BIRC6: variants seen among roughly 807,000 people sequenced by gnomAD.
BIRC6 encodes the protein baculoviral IAP repeat containing 6.
In BIRC6, 98 loss-of-function variants were observed where a neutral mutation model predicts 503.3. The ratio of observed to expected loss-of-function variants is 0.19; its 90% CI spans 0.17 to 0.23. BIRC6 has a LOEUF of 0.23. BIRC6 is among the 10% of genes least tolerant of loss of function. The pLI, the probability that BIRC6 is intolerant of heterozygous loss-of-function variation, is 1.00. For synonymous variants in BIRC6, 2,240 were observed against 2,078.7 expected (o/e 1.08, Z -2.11); for missense variants, 5,360 against 5,806.0 (o/e 0.92, Z 2.50).
intron 39 of BIRC6, among the ~76,000 whole-genome samples, chr2:32,483,475 A>G (rs1404133165): frequency 1.3e-5 from 2 of 152,174 alleles, no homozygotes; most frequent in Non-Finnish European, 2.9e-5. Context: ...CCATATATAC[A>G]TATCAAGAAG....
intron 63 of BIRC6, among the ~76,000 whole-genome samples, chr2:32,547,500 T>C (rs1345030794): frequency 6.6e-6 from 1 of 152,210 alleles, no homozygotes; most frequent in African/African-American, 2.4e-5. Context: ...TTTAGTATAA[T>C]GTTTTCTAGG....
At chr2:32,611,110 T>C (rs868856107) in intron 72 of BIRC6, among the ~76,000 whole-genome samples, 1 of 131,730 alleles carries the variant, frequency 7.6e-6, no homozygotes, top group Non-Finnish European at 1.7e-5. Flanking sequence ...TAAATTGCCT[T>C]TTTTTTTTTG....
chr2:32,569,651 C>T (rs947231295), intron 65 of BIRC6, among the ~76,000 whole-genome samples: 6 of 148,726 alleles, frequency 4.0e-5, no homozygotes, highest in African/African-American at 1.5e-4. Flanking sequence ...TGATTTCAGG[C>T]ATGAGCCACC....
intron 66 of BIRC6, among the ~76,000 whole-genome samples, chr2:32,587,948 T>C (rs971980502): frequency 6.6e-6 from 1 of 152,152 alleles, no homozygotes; most frequent in African/African-American, 2.4e-5. Context: ...CAAACTAAAC[T>C]GAGACTCATT....
rs1164045931 is a variant in BIRC6 at position 32,401,517 on chromosome 2, A to G, written c.1312A>G (p.Ile438Val). Residue 438 changes from isoleucine to valine, a missense_variant, in exon 8 of 74, where the codon ATT becomes GTT. Coordinates refer to ENST00000421745, the MANE Select transcript of BIRC6 (RefSeq NM_016252.4). ...AYDPAIVQQLILSGDPSSGVD... is the reference protein window; with the variant it reads ...AYDPAIVQQLVLSGDPSSGVD... ...TGATCCAGCAATTGTACAACAGCTT[A>G]TTCTATCAGGAGACCCAAGCTCAGG... 3 of 1,613,930 alleles carry G rather than the reference A, an allele frequency of 1.9e-6. No individual in the cohort carries two copies. The highest frequency in any genetic ancestry group is 2.2e-5 in the East Asian group (1 of 44,904).
intron 66 of BIRC6, among the ~76,000 whole-genome samples, chr2:32,582,977 C>T (rs114530507): frequency 0.035 from 5,342 of 152,088 alleles, 140 homozygotes; most frequent in African/African-American, 0.074. Context: ...ATTTTTGAAA[C>T]AGTAGACTTT....
intron 61 of BIRC6, chr2:32,532,168 T>TGTGTGTGTGTGTGG (rs747473373): frequency 5.6e-6 from 3 of 531,670 alleles, no homozygotes; most frequent in Non-Finnish European, 1.2e-5. Context: ...TGTGTGTGTG[T>TGTGTGTGTGTGTGG]GTGGTTATTT....
chr2:32,437,386 C>G (rs1249883171), intron 15 of BIRC6, among the ~76,000 whole-genome samples: 1 of 152,044 alleles, frequency 6.6e-6, no homozygotes, highest in African/African-American at 2.4e-5. Context: ...ATGACTAGTT[C>G]AATTGTTAAA....
At chr2:32,420,609 G>C (rs532929232) in intron 10 of BIRC6, among the ~76,000 whole-genome samples, 3 of 152,154 alleles carry the variant, frequency 2.0e-5, no homozygotes, top group Non-Finnish European at 2.9e-5. Flanking sequence ...TGCCTCCTGG[G>C]TTCAAGTGAT....
At chr2:32,500,621 T>C (rs1277397574) in intron 46 of BIRC6, among the ~76,000 whole-genome samples, 1 of 149,978 alleles carries the variant, frequency 6.7e-6, no homozygotes, top group Non-Finnish European at 1.5e-5. Flanking sequence ...TTTTTTTTTT[T>C]TTGAGATGAA....
chr2:32,460,936 C>T (rs1184624703), intron 23 of BIRC6, among the ~76,000 whole-genome samples: 1 of 151,670 alleles, frequency 6.6e-6, no homozygotes, highest in Non-Finnish European at 1.5e-5. Flanking sequence ...CTTGAAGGAG[C>T]AGATGATTTT....
At chr2:32,397,241 C>T (rs1055602689) in intron 6 of BIRC6, among the ~76,000 whole-genome samples, 3 of 151,404 alleles carry the variant, frequency 2.0e-5, no homozygotes, top group East Asian at 2.0e-4. Flanking sequence ...GAGGCCGAGG[C>T]GGGTGGATCA....
chr2:32,472,551 T>C (rs939913568), intron 32 of BIRC6, among the ~76,000 whole-genome samples: 1 of 152,166 alleles, frequency 6.6e-6, no homozygotes, highest in Non-Finnish European at 1.5e-5. Context: ...AAAATGTTTT[T>C]AGGATTAGGA....
chr2:32,367,628 C>G (rs1251750795), intron 1 of BIRC6, among the ~76,000 whole-genome samples: 1 of 151,982 alleles, frequency 6.6e-6, no homozygotes, highest in Non-Finnish European at 1.5e-5. Flanking sequence ...CCAGCCTGGC[C>G]AACTTGGTGA....
chr2:32,396,533 A>C (rs1017658920), intron 6 of BIRC6, among the ~76,000 whole-genome samples: 10 of 152,202 alleles, frequency 6.6e-5, no homozygotes, highest in Non-Finnish European at 1.5e-4. Flanking sequence ...ATCTGCAGGC[A>C]GAGAGTTGAA....
intron 30 of BIRC6, 119 bp from the exon 31 acceptor site, chr2:32,470,049 A>G (rs1430824874): frequency 2.3e-6 from 2 of 867,240 alleles, no homozygotes; most frequent in Non-Finnish European, 3.2e-6. Flanking sequence ...GAAATATGGT[A>G]TGTTTTAAGA....
chr2:32,586,423 C>CTTTTTT lies in BIRC6; in HGVS notation c.13356-7470_13356-7465dup, dbSNP rs972959083. Among the ~76,000 whole-genome samples the CTTTTTT allele has an allele frequency of 2.0e-4, 14 of 70,978 alleles. No individual in the cohort carries two copies. The East Asian group carries it at 2.6e-3, about 13-fold the overall frequency. 46.6% of individuals were successfully genotyped at this position (70,978 alleles called of 152,430 possible). Reference sequence around the variant, plus strand: ...ATCTCAGACAAAATCTCAAGCAGTCCTTTTTTTTTTTTTTTTTTTTTTTTT... The same window carrying CTTTTTT: ...ATCTCAGACAAAATCTCAAGCAGTCCTTTTTTTTTTTTTTTTTTTTTTTTTTTTTTT... On this transcript the variant is annotated intron_variant, in intron 66 of 73. Coordinates refer to ENST00000421745, the MANE Select transcript of BIRC6 (RefSeq NM_016252.4).
At position 32,415,394 on chromosome 2, in the gene BIRC6, G is replaced by T; in HGVS notation, c.2103G>T (p.Pro701=). Residue 701 remains proline (P), a synonymous_variant, in exon 10 of 74, where the codon CCG becomes CCT. Coordinates refer to ENST00000421745, the MANE Select transcript of BIRC6 (RefSeq NM_016252.4). ...ATGCAGCAGCCAACCTTACCTCTCC[G>T]GATTCTGAGAAGTGGAACTCTGTGT... ...FADAAANLTS[P]DSEKWNSVFP... 1 of 1,613,960 alleles carries T rather than the reference G, an allele frequency of 6.2e-7. No homozygotes were observed. Among genetic ancestry groups the T allele is most frequent in the Non-Finnish European group, 8.5e-7 (1 of 1,179,884 alleles).
Position 32,617,931 on chromosome 2 carries a change from A to G in BIRC6, c.*27A>G, listed in dbSNP as rs1378841204. On this transcript the variant is annotated 3_prime_UTR_variant, in exon 74 of 74. Transcript: ENST00000421745. The stretch of plus-strand genomic sequence containing the variant: ...CTGCATTGATGTGGACTTCATAGAC[A>G]CAAAGGCTTCGAAGCACAAGCCAAA... 6.3e-7 allele frequency: 1 copy of G among 1,586,674 alleles called. No homozygotes were observed. The highest frequency in any genetic ancestry group is 1.8e-5 in the Admixed American group (1 of 56,272).
Sources: gnomAD v4.1 joint callset for allele counts (sites outside exome capture counted in the v4.1 genomes callset) on GRCh38, gnomAD v4.1.1 for gene constraint, MANE v1.5 for transcripts, NCBI Gene and HGNC (gene_info 2026-07-23, HGNC 2026-07-21) for gene names.